Variants in CREB5 observed in about 807,000 individuals in gnomAD.
CREB5 encodes cyclic AMP-responsive element-binding protein 5.
Under a neutral mutation model 57.1 loss-of-function variants are expected in CREB5, and 19 were observed. That is an observed-to-expected ratio of 0.33 (90% CI 0.23 to 0.49). The LOEUF is 0.49. Ranked by LOEUF, CREB5 falls within the 20% of genes least tolerant of loss-of-function variation. The pLI, the probability that CREB5 is intolerant of heterozygous loss-of-function variation, is 0.99. For synonymous variants in CREB5, 238 were observed against 238.3 expected, an observed-to-expected ratio of 1.00 and a Z score of 0.01; for missense variants, 579 against 671.6, an observed-to-expected ratio of 0.86 and a Z score of 1.52.
chr7:28,457,877 G>A (rs1158403895), intron 1 of CREB5, among the ~76,000 whole-genome samples: 1 of 152,134 alleles, frequency 6.6e-6, no homozygotes, highest in Non-Finnish European at 1.5e-5. Flanking sequence ...TGAGAGATTT[G>A]CAATGGGAGC....
intron 5 of CREB5, among the ~76,000 whole-genome samples, chr7:28,714,525 G>A (rs1802568615): frequency 6.6e-6 from 1 of 152,142 alleles, no homozygotes. Context: ...TTGCCCAAGG[G>A]CAAAGAAGAC....
intron 9 of CREB5, among the ~76,000 whole-genome samples, chr7:28,814,376 G>A (rs952029481): frequency 6.6e-6 from 1 of 152,114 alleles, no homozygotes; most frequent in South Asian, 2.1e-4. Flanking sequence ...TATAATGAAG[G>A]CTCCGTAGAT....
At chr7:28,815,444 T>C (rs1280975492) in intron 9 of CREB5, among the ~76,000 whole-genome samples, 1 of 152,242 alleles carries the variant, frequency 6.6e-6, no homozygotes, top group Non-Finnish European at 1.5e-5. Flanking sequence ...TGTTTTGCTG[T>C]TCATAGACTA....
chr7:28,402,042 T>A (rs1187499023), intron 1 of CREB5, among the ~76,000 whole-genome samples: 1 of 152,234 alleles, frequency 6.6e-6, no homozygotes, highest in Non-Finnish European at 1.5e-5. Flanking sequence ...TGTAAAAGTG[T>A]TCCTATTTCT....
At chr7:28,372,740 T>C (rs1786732564) in intron 1 of CREB5, among the ~76,000 whole-genome samples, 1 of 152,218 alleles carries the variant, frequency 6.6e-6, no homozygotes, top group Non-Finnish European at 1.5e-5. Flanking sequence ...AGATAATTCT[T>C]TTCAGCTTTT....
At chr7:28,367,411 A>G (rs1000148438) in intron 1 of CREB5, among the ~76,000 whole-genome samples, 12 of 152,300 alleles carry the variant, frequency 7.9e-5, no homozygotes, top group African/African-American at 2.9e-4. Flanking sequence ...ATCTGAGAAA[A>G]TGGTACCATC....
At chr7:28,315,938 T>C (rs1446487153) in intron 1 of CREB5, among the ~76,000 whole-genome samples, 1 of 152,198 alleles carries the variant, frequency 6.6e-6, no homozygotes, top group African/African-American at 2.4e-5. Flanking sequence ...GCTGTGATTT[T>C]CAAGGAGACA....
At chr7:28,624,466 G>A (rs1797924460) in intron 5 of CREB5, among the ~76,000 whole-genome samples, 1 of 152,074 alleles carries the variant, frequency 6.6e-6, no homozygotes, top group African/African-American at 2.4e-5. Context: ...TCCCAAGTTT[G>A]TTTGCAATTT....
At chr7:28,568,915 G>C (rs1176189463) in intron 4 of CREB5, among the ~76,000 whole-genome samples, 4 of 152,144 alleles carry the variant, frequency 2.6e-5, no homozygotes, top group Non-Finnish European at 5.9e-5. Flanking sequence ...TAGTTCTCTT[G>C]GGTAACATTT....
At chr7:28,677,523 G>A (rs1800376734) in intron 5 of CREB5, among the ~76,000 whole-genome samples, 1 of 152,116 alleles carries the variant, frequency 6.6e-6, no homozygotes, top group African/African-American at 2.4e-5. Flanking sequence ...TTCTTTACCT[G>A]TAAAAGAGCA....
chr7:28,643,750 G>GT lies in CREB5; in HGVS notation c.464+73214dup, dbSNP rs145271214. Among the ~76,000 whole-genome samples, 15 of 89,578 alleles carry GT rather than the reference G, an allele frequency of 1.7e-4. No individual in the cohort carries two copies. The East Asian group carries it at 1.7e-3, about 10-fold the overall frequency. The allele number at this position is 89,578 out of a possible 152,430, so 58.8% of individuals were successfully genotyped here. A position where few individuals can be genotyped will look rare whatever the true frequency, so the allele number is the denominator to read the frequency against. On this transcript the variant is annotated intron_variant, in intron 5 of 10. Transcript: ENST00000357727. ...CACGAATAGTTCACGGGTTTGGGAG[G>GT]TGGGGGGGGGCGGAAGAAAAAAAAA... is the stretch of plus-strand genomic sequence containing the variant.
At chr7:28,536,348 C>G (rs1475373029) in intron 4 of CREB5, among the ~76,000 whole-genome samples, 1 of 152,208 alleles carries the variant, frequency 6.6e-6, no homozygotes, top group Non-Finnish European at 1.5e-5. Flanking sequence ...TTTTCTCCCA[C>G]TCTATCATGA....
chr7:28,315,777 C>T (rs1159020823), intron 1 of CREB5, among the ~76,000 whole-genome samples: 1 of 152,206 alleles, frequency 6.6e-6, no homozygotes, highest in Non-Finnish European at 1.5e-5. Context: ...GGGCTCTGCA[C>T]ATCACCCAGC....
intron 5 of CREB5, among the ~76,000 whole-genome samples, chr7:28,573,424 C>G (rs554719189): frequency 6.6e-6 from 1 of 152,350 alleles, no homozygotes; most frequent in East Asian, 1.9e-4. Context: ...CAATGAAAGT[C>G]TTCATTCAGG....
intron 5 of CREB5, among the ~76,000 whole-genome samples, chr7:28,595,178 G>C (rs1399023007): frequency 6.6e-6 from 1 of 152,022 alleles, no homozygotes; most frequent in African/African-American, 2.4e-5. Flanking sequence ...ATATTTCTCA[G>C]AAAAATCTTC....
intron 4 of CREB5, among the ~76,000 whole-genome samples, chr7:28,560,907 T>TGTGTGTGCGC (rs1345229998): frequency 2.3e-5 from 1 of 42,722 alleles, no homozygotes; most frequent in Non-Finnish European, 4.1e-5. Flanking sequence ...CGTGCGCGCG[T>TGTGTGTGCGC]GCGTGTGCGT....
At chr7:28,312,753 G>A (rs1785304358) in intron 1 of CREB5, among the ~76,000 whole-genome samples, 1 of 152,106 alleles carries the variant, frequency 6.6e-6, no homozygotes, top group African/African-American at 2.4e-5. Context: ...TTGGTATTTT[G>A]TTTTATTTTA....
chr7:28,710,368 C>T (rs968558003), intron 5 of CREB5, among the ~76,000 whole-genome samples: 16 of 152,144 alleles, frequency 1.1e-4, no homozygotes, highest in African/African-American at 3.6e-4. Flanking sequence ...TTATTAAGCA[C>T]CTACTAGGTA....
Position 28,667,699 on chromosome 7 carries a change from G to A in CREB5, c.465-51054G>A, listed in dbSNP as rs6955076. ...AAACTCACAAAATGTTTCTAAGTTT[G>A]CAAATAAAAATTTTTCTATACAACC... is the stretch of plus-strand genomic sequence containing the variant. On this transcript the variant is annotated intron_variant, in intron 5 of 10. Transcript: ENST00000357727. Among the ~76,000 whole-genome samples the A allele has an allele frequency of 8.9e-3, 1,357 of 152,180 alleles. 23 individuals carry two copies. The highest frequency in any genetic ancestry group is 0.031 in the African/African-American group (1,297 of 41,514).
Sources: gnomAD v4.1 joint callset for allele counts (sites outside exome capture counted in the v4.1 genomes callset) on GRCh38, gnomAD v4.1.1 for gene constraint, MANE v1.5 for transcripts, NCBI Gene and HGNC (gene_info 2026-07-23, HGNC 2026-07-21) for gene names.